The following GSE1 variants were observed in gnomAD, a reference collection of about 807,000 sequenced individuals.
The protein encoded by GSE1 is Gse1 coiled-coil protein.
GSE1 carries 32 observed loss-of-function variants against 112.6 expected under a neutral mutation model. The observed-to-expected ratio is 0.28, with a 90% CI of 0.21 to 0.38. The LOEUF (loss-of-function observed/expected upper bound fraction) is 0.38, where lower values mean the gene tolerates loss of function less well. Among genes scored for constraint, GSE1 ranks in the 10% least tolerant of loss-of-function variants. The probability of loss-of-function intolerance (pLI) is 1.00; values close to 1 mark genes in which losing one functional copy is unlikely to be tolerated. For missense variants in GSE1, 2,348 were observed against 1,699.2 expected (o/e 1.38, Z -6.71); for synonymous variants, 1,115 against 735.6 (o/e 1.52, Z -8.35).
At chr16:85,466,187 G>A (rs927811752) in intron 2 of GSE1, among the ~76,000 whole-genome samples, 2 of 152,246 alleles carry the variant, frequency 1.3e-5, no homozygotes, top group African/African-American at 2.4e-5. Context: ...CCCAAAGCCA[G>A]GTCGTGGTAA....
intron 2 of GSE1, chr16:85,359,546 G>A (rs1413590109): frequency 2.6e-6 from 1 of 378,020 alleles, no homozygotes; most frequent in Non-Finnish European, 5.4e-6. Context: ...TGTTGGTAGA[G>A]GTTTCGTGGC....
chr16:85,624,634 G>A (rs1182745581), intron 1 of GSE1, among the ~76,000 whole-genome samples: 3 of 152,198 alleles, frequency 2.0e-5, no homozygotes, highest in African/African-American at 4.8e-5. Flanking sequence ...GTTTCCTTCC[G>A]GCTCCTGAGC....
chr16:85,339,031 C>T (rs2046565459), intron 1 of GSE1, among the ~76,000 whole-genome samples: 1 of 152,044 alleles, frequency 6.6e-6, no homozygotes, highest in Admixed American at 6.6e-5. Flanking sequence ...GGCATGTTAC[C>T]ACCCCCCACC....
intron 2 of GSE1, among the ~76,000 whole-genome samples, chr16:85,368,488 T>G (rs1297652452): frequency 6.6e-6 from 1 of 152,138 alleles, no homozygotes; most frequent in Non-Finnish European, 1.5e-5. Flanking sequence ...GAGGATCGCT[T>G]GAGCCCAGGA....
intron 3 of GSE1, among the ~76,000 whole-genome samples, chr16:85,650,615 G>A (rs2051253409): frequency 6.6e-6 from 1 of 152,202 alleles, no homozygotes; most frequent in African/African-American, 2.4e-5. Flanking sequence ...GCAGAGCAGG[G>A]GCGCGACAGG....
At chr16:85,170,786 T>C (rs1458265625) in exon 1 of GSE1, 3 of 985,540 alleles carry the variant, frequency 3.0e-6, no homozygotes, top group Non-Finnish European at 3.6e-6. Context: ...AGTACCTTGG[T>C]GTGCGCCAGC....
At chr16:85,551,997 T>TTCGCC (rs1385966729), upstream of GSE1, among the ~76,000 whole-genome samples, 6 of 151,944 alleles carry the variant, frequency 3.9e-5, no homozygotes, top group East Asian at 1.2e-3. Flanking sequence ...AAGCCCCTGC[T>TTCGCC]TCGCCTCCGT....
chr16:85,237,876 T>C (rs1904827053), intron 1 of GSE1, among the ~76,000 whole-genome samples: 1 of 151,266 alleles, frequency 6.6e-6, no homozygotes, highest in South Asian at 2.1e-4. Flanking sequence ...AGTGAGTGAA[T>C]GAAACCTCCC....
intron 2 of GSE1, among the ~76,000 whole-genome samples, chr16:85,369,113 G>A (rs2047243373): frequency 6.6e-6 from 1 of 152,216 alleles, no homozygotes; most frequent in African/African-American, 2.4e-5. Flanking sequence ...AATTCGAGGT[G>A]TGGGCAGGAC....
rs1389090049 is a variant in GSE1 at position 85,423,669 on chromosome 16, C to T, written c.2464+66026C>T. 3.9e-5 allele frequency among the ~76,000 whole-genome samples: 6 copies of T among 152,046 alleles called. No individual in the cohort carries two copies. In the East Asian group the frequency reaches 1.2e-3, roughly 29 times the overall value. On this transcript the variant is annotated intron_variant, in intron 2 of 2. Transcript: ENST00000637419. ...GGGTGGGTGGGGTGTGGCCTGGTGT[C>T]CAGAGTGGGAGTCTTACTCCACCAA...
intron 2 of GSE1, among the ~76,000 whole-genome samples, chr16:85,466,451 C>T (rs1408095517): frequency 1.3e-5 from 2 of 152,186 alleles, no homozygotes; most frequent in East Asian, 3.9e-4. Flanking sequence ...GATTCCATGG[C>T]CTCAGAGGGG....
At chr16:85,213,810 T>C (rs2075266088) in intron 1 of GSE1, among the ~76,000 whole-genome samples, 1 of 152,164 alleles carries the variant, frequency 6.6e-6, no homozygotes, top group Non-Finnish European at 1.5e-5. Context: ...CTGCCCAGCC[T>C]GTGGGAGTGG....
chr16:85,524,742 C>T (rs80279276), intron 2 of GSE1, among the ~76,000 whole-genome samples: 4,937 of 152,222 alleles, frequency 0.032, 238 homozygotes, highest in African/African-American at 0.11. Flanking sequence ...CAGTCAACTT[C>T]CCCCGAGGGG....
chr16:85,298,151 G>A (rs531762812), intron 1 of GSE1, among the ~76,000 whole-genome samples: 6 of 152,312 alleles, frequency 3.9e-5, no homozygotes, highest in Admixed American at 1.3e-4. Flanking sequence ...TTCGAATTCC[G>A]CAGTGCGGGG....
chr16:85,570,584 C>T (rs997639499), intron 1 of GSE1, among the ~76,000 whole-genome samples: 2 of 152,244 alleles, frequency 1.3e-5, no homozygotes, highest in Non-Finnish European at 2.9e-5. Context: ...CTCCCAGGTT[C>T]TAGGGCTCTC....
rs2045276764 is a variant in GSE1, at chr16:85,293,367, G to C, written c.2284-64096G>C. 3.9e-5 allele frequency among the ~76,000 whole-genome samples: 6 copies of C among 152,076 alleles called. No homozygotes were observed. In the South Asian group the frequency reaches 1.2e-3, roughly 32 times the overall value. On this transcript the variant is annotated intron_variant, in intron 1 of 2. Coordinates refer to the GSE1 transcript ENST00000637419. ...TTGAGACCAGCCTGGTCAACATGGT[G>C]AAACCCTGTCCCTGCTAAAAATACA...
Position 85,672,581 on chromosome 16 carries a change from T to TTATC in GSE1, c.*46_*49dup, listed in dbSNP as rs761210893. 1 of 1,351,518 alleles carries TTATC rather than the reference T, an allele frequency of 7.4e-7. No homozygotes were observed. The highest frequency in any genetic ancestry group is 1.0e-6 in the Non-Finnish European group (1 of 987,336). 83.7% of individuals were successfully genotyped at this position (1,351,518 alleles called of 1,614,324 possible). ...AGGCCGAACCTATAGTATAGAAATA[T>TTATC]TATCTATTTTATTACCTTGAATATT... On this transcript the variant is annotated 3_prime_UTR_variant, in exon 16 of 16. Transcript: ENST00000253458.
intron 1 of GSE1, among the ~76,000 whole-genome samples, chr16:85,245,450 C>T (rs924301361): frequency 3.9e-5 from 6 of 152,112 alleles, no homozygotes; most frequent in Non-Finnish European, 8.8e-5. Context: ...TGACACATAC[C>T]CATTCATGTG....
intron 1 of GSE1, among the ~76,000 whole-genome samples, chr16:85,331,359 G>GTATATATATATATATATGTATATATA (rs1192723319): frequency 1.8e-5 from 1 of 54,510 alleles, no homozygotes; most frequent in East Asian, 5.4e-4. Flanking sequence ...GTGTGTGTGT[G>GTATATATATATATATATGTATATATA]TGTGTGTATA....
Sources: allele counts gnomAD v4.1 joint callset (sites outside exome capture counted in the v4.1 genomes callset), GRCh38; gene constraint gnomAD v4.1.1; transcripts MANE v1.5; gene names NCBI Gene and HGNC (gene_info 2026-07-23, HGNC 2026-07-21).